Variants in DNER observed in about 807,000 individuals in gnomAD.
DNER encodes the protein delta/notch like EGF repeat containing.
In DNER, 33 loss-of-function variants were observed where a neutral mutation model predicts 78.2. That is an observed-to-expected ratio of 0.42 (90% confidence interval 0.32 to 0.56). The LOEUF (loss-of-function observed/expected upper bound fraction) is 0.56, where lower values mean the gene tolerates loss of function less well. DNER is among the 20% of genes least tolerant of loss of function. The probability of loss-of-function intolerance (pLI) is 0.11; values close to 1 mark genes in which losing one functional copy is unlikely to be tolerated. For missense variants in DNER, 918 were observed against 975.3 expected (o/e 0.94, Z 0.78); for synonymous variants, 417 against 384.8 (o/e 1.08, Z -0.98).
chr2:229,644,334 CTTTTTTTTTTTTTTT>C (rs5839345), intron 1 of DNER, among the ~76,000 whole-genome samples: 2 of 97,504 alleles, frequency 2.1e-5, no homozygotes, highest in South Asian at 3.4e-4. Context: ...CTTGCTTTCT[CTTTTTTTTTTTTTTT>C]TTTTTTTTTT....
Position 229,669,866 on chromosome 2 carries a change from C to T in DNER, c.276+44282G>A, listed in dbSNP as rs534869041. 4.1e-4 allele frequency among the ~76,000 whole-genome samples: 63 copies of T among 152,248 alleles called. No homozygotes were observed. In the Middle Eastern group the frequency reaches 0.01, roughly 25 times the overall value. On this transcript the variant is annotated intron_variant, in intron 1 of 12. Transcript: ENST00000341772. ...ATAACATTTTTTCTAAAATAAATGT[C>T]GTCCATAACACACAGGTTGAGGGTT...
intron 6 of DNER, among the ~76,000 whole-genome samples, chr2:229,495,768 A>T (rs1375281184): frequency 6.6e-6 from 1 of 152,230 alleles, no homozygotes; most frequent in Non-Finnish European, 1.5e-5. Flanking sequence ...ACATAAAATA[A>T]ACCATCACAG....
At chr2:229,494,429 A>G (rs918192291) in intron 6 of DNER, among the ~76,000 whole-genome samples, 2 of 152,236 alleles carry the variant, frequency 1.3e-5, no homozygotes, top group East Asian at 1.9e-4. Flanking sequence ...AAGAACTAGG[A>G]AGGAAAGAAG....
intron 1 of DNER, among the ~76,000 whole-genome samples, chr2:229,689,239 C>T (rs927372849): frequency 6.6e-6 from 1 of 152,150 alleles, no homozygotes; most frequent in Non-Finnish European, 1.5e-5. Flanking sequence ...ATGGCCACTC[C>T]CCTCCTTGGT....
At chr2:229,706,420 G>A (rs927914620) in intron 1 of DNER, among the ~76,000 whole-genome samples, 7 of 148,630 alleles carry the variant, frequency 4.7e-5, no homozygotes, top group South Asian at 4.3e-4. Flanking sequence ...AAAATTAGCC[G>A]AATGTGGTGG....
In DNER at chr2:229,421,659, A is replaced by AGAGAGAGG. The variant is rs61049506; in HGVS notation, c.1487-3430_1487-3429insCCTCTCTC. 1.0e-3 allele frequency among the ~76,000 whole-genome samples: 147 copies of AGAGAGAGG among 144,588 alleles called. 1 individual carries two copies. The highest frequency in any genetic ancestry group is 2.4e-3 in the African/African-American group (92 of 38,646). 94.9% of individuals were successfully genotyped at this position (144,588 alleles called of 152,430 possible). On this transcript the variant is annotated intron_variant, in intron 8 of 12. Coordinates refer to ENST00000341772, the MANE Select transcript of DNER (RefSeq NM_139072.4). ...TATATATATATAGAGAGAGAGAGAG[A>AGAGAGAGG]GAGAAAGTGGGAGAGAGAGTAAAAA...
intron 1 of DNER, among the ~76,000 whole-genome samples, chr2:229,618,916 T>C (rs1485171009): frequency 6.6e-6 from 1 of 152,136 alleles, no homozygotes; most frequent in African/African-American, 2.4e-5. Context: ...GGAGAATCAC[T>C]AGAAGCCAGG....
intron 1 of DNER, among the ~76,000 whole-genome samples, chr2:229,684,128 G>GTT (rs1699436671): frequency 2.1e-5 from 3 of 145,438 alleles, no homozygotes; most frequent in Admixed American, 7.0e-5. Flanking sequence ...GTGTGTTTGT[G>GTT]TGTGTGTCTG....
At chr2:229,534,047 T>A (rs1265558196) in intron 5 of DNER, among the ~76,000 whole-genome samples, 1 of 152,214 alleles carries the variant, frequency 6.6e-6, no homozygotes, top group Non-Finnish European at 1.5e-5. Flanking sequence ...AACCCATTCA[T>A]GGGCAAAAGA....
At chr2:229,691,066 C>G (rs1030065095) in intron 1 of DNER, among the ~76,000 whole-genome samples, 1 of 152,154 alleles carries the variant, frequency 6.6e-6, no homozygotes, top group Non-Finnish European at 1.5e-5. Context: ...TCAGACCAAC[C>G]ATCCTGCTGA....
At chr2:229,708,260 C>T (rs1467343875) in intron 1 of DNER, among the ~76,000 whole-genome samples, 3 of 152,192 alleles carry the variant, frequency 2.0e-5, no homozygotes, top group Non-Finnish European at 4.4e-5. Context: ...GCAGGAGCTT[C>T]TCAACCCTAG....
intron 1 of DNER, among the ~76,000 whole-genome samples, chr2:229,687,907 A>C (rs1041026616): frequency 2.3e-4 from 35 of 152,276 alleles, no homozygotes; most frequent in African/African-American, 8.4e-4. Flanking sequence ...TCACCATTTC[A>C]TTCCTTTCTT....
At chr2:229,467,105 T>C (rs553059584) in intron 7 of DNER, among the ~76,000 whole-genome samples, 1 of 152,280 alleles carries the variant, frequency 6.6e-6, no homozygotes, top group South Asian at 2.1e-4. Context: ...AGAAAGTCCC[T>C]TGTGAGTGTC....
At position 229,556,208 on chromosome 2, in the gene DNER, C is replaced by T. The variant is rs147536432; in HGVS notation, c.848-9116G>A. Among the ~76,000 whole-genome samples, 158 of 152,332 alleles carry T rather than the reference C, an allele frequency of 1.0e-3. 1 individual carries two copies. The highest frequency in any genetic ancestry group is 3.5e-3 in the African/African-American group (144 of 41,586). ...CCTTGATGAACACTTACTGAACTCG[C>T]GTCCACCAGTGAGACACCACTGTAA... On this transcript the variant is annotated intron_variant, in intron 4 of 12. Coordinates refer to ENST00000341772, the MANE Select transcript of DNER (RefSeq NM_139072.4).
intron 4 of DNER, among the ~76,000 whole-genome samples, chr2:229,559,998 C>T (rs1327926652): frequency 6.6e-6 from 1 of 152,226 alleles, no homozygotes; most frequent in Non-Finnish European, 1.5e-5. Flanking sequence ...AAGCTCACCT[C>T]CCTTGGTGCA....
intron 5 of DNER, among the ~76,000 whole-genome samples, chr2:229,528,014 A>C (rs1217858191): frequency 2.0e-5 from 3 of 152,278 alleles, no homozygotes; most frequent in Non-Finnish European, 4.4e-5. Context: ...TCTTTAAAAA[A>C]ATTACATGCC....
intron 4 of DNER, among the ~76,000 whole-genome samples, chr2:229,552,790 G>A (rs149621092): frequency 3.1e-3 from 472 of 152,244 alleles, no homozygotes; most frequent in Non-Finnish European, 4.7e-3. Flanking sequence ...CTTAAATTGG[G>A]ATCCATACCA....
chr2:229,701,978 A>G, intron 1 of DNER: 1 of 188,782 alleles, frequency 5.3e-6, no homozygotes. Flanking sequence ...ATGTTCGGGA[A>G]GAATGTGCAT....
chr2:229,704,426 A>G (rs955807650), intron 1 of DNER, among the ~76,000 whole-genome samples: 4 of 152,274 alleles, frequency 2.6e-5, no homozygotes, highest in Non-Finnish European at 5.9e-5. Context: ...AGCTTTATTC[A>G]TAATCACCAG....
Sources: allele counts gnomAD v4.1 joint callset (sites outside exome capture counted in the v4.1 genomes callset), GRCh38; gene constraint gnomAD v4.1.1; transcripts MANE v1.5; gene names NCBI Gene and HGNC (gene_info 2026-07-23, HGNC 2026-07-21).